TMED10: variants seen among roughly 807,000 people sequenced by gnomAD.
TMED10 encodes the protein transmembrane emp24 domain-containing protein 10.
A neutral mutation model predicts 23.1 loss-of-function variants in TMED10; 7 were observed. The ratio of observed to expected loss-of-function variants is 0.30; its 90% CI spans 0.17 to 0.57. TMED10 has a LOEUF of 0.57. TMED10 is among the 20% of genes least tolerant of loss of function. The pLI is 0.91. For synonymous variants in TMED10, 113 were observed against 106.9 expected, an observed-to-expected ratio of 1.06 and a Z score of -0.35; for missense variants, 162 against 274.8, an observed-to-expected ratio of 0.59 and a Z score of 2.90.
In TMED10 at chr14:75,133,051, T is replaced by C. The variant is rs1440549464; in HGVS notation, c.*1834A>G. 1 of 152,226 alleles carries C rather than the reference T, an allele frequency of 6.6e-6. No homozygotes were observed. Among genetic ancestry groups the C allele is most frequent in the Non-Finnish European group, 1.5e-5 (1 of 68,032 alleles). 9.4% of individuals were successfully genotyped at this position (152,226 alleles called of 1,614,324 possible). ...ACAGTGATTATTGGCTTTGCTTTCA[T>C]AACATGTATTTTTAAGTATTTACTC... On this transcript the variant is annotated 3_prime_UTR_variant, in exon 5 of 5. Coordinates refer to ENST00000303575, the MANE Select transcript of TMED10 (RefSeq NM_006827.6).
Position 75,132,842 on chromosome 14 carries a change from C to G in TMED10, c.*2043G>C, listed in dbSNP as rs530661252. On this transcript the variant is annotated 3_prime_UTR_variant, in exon 5 of 5. Transcript: ENST00000303575. ...TCTTGCCACTGTGATTAAACAAGCC[C>G]TGTAATAGTCAGCAGGGTTAAAAAG... 2.2e-4 allele frequency: 33 copies of G among 152,490 alleles called. No individual in the cohort carries two copies. The highest frequency in any genetic ancestry group is 3.7e-4 in the Non-Finnish European group (25 of 68,032). The allele number at this position is 152,490 out of a possible 1,614,324, so 9.4% of individuals were successfully genotyped here.
intron 3 of TMED10, among the ~76,000 whole-genome samples, chr14:75,138,810 T>TGC (rs1895784137): frequency 7.9e-5 from 3 of 37,978 alleles, no homozygotes; most frequent in African/African-American, 2.4e-4. Flanking sequence ...CAGCCTTTGC[T>TGC]TCTTTTTTTT....
chr14:75,158,714 C>T (rs1386907506), intron 1 of TMED10, among the ~76,000 whole-genome samples: 3 of 151,594 alleles, frequency 2.0e-5, no homozygotes, highest in South Asian at 4.2e-4. Context: ...CACCTGAGGT[C>T]GGGAGTTCGA....
At chr14:75,167,789 G>A (rs565725222) in intron 1 of TMED10, among the ~76,000 whole-genome samples, 3 of 152,144 alleles carry the variant, frequency 2.0e-5, no homozygotes, top group South Asian at 2.1e-4. Context: ...AGGTTGCAGC[G>A]AGCTATGATC....
intron 1 of TMED10, among the ~76,000 whole-genome samples, chr14:75,170,150 C>A (rs977923757): frequency 6.6e-6 from 1 of 152,050 alleles, no homozygotes. Context: ...TGGTGTGAAC[C>A]CCGGGGAGCA....
At chr14:75,161,046 G>GA (rs1443148579) in intron 1 of TMED10, among the ~76,000 whole-genome samples, 1 of 151,614 alleles carries the variant, frequency 6.6e-6, no homozygotes, top group Non-Finnish European at 1.5e-5. Flanking sequence ...TCCATCTCAA[G>GA]AAAAAAAGAG....
At chr14:75,168,138 T>A (rs1896187563) in intron 1 of TMED10, among the ~76,000 whole-genome samples, 1 of 152,180 alleles carries the variant, frequency 6.6e-6, no homozygotes, top group Admixed American at 6.5e-5. Flanking sequence ...TATCTCTCTC[T>A]GCTTCAGAAA....
At chr14:75,151,144 G>A (rs909740068) in intron 2 of TMED10, among the ~76,000 whole-genome samples, 1 of 152,016 alleles carries the variant, frequency 6.6e-6, no homozygotes, top group Non-Finnish European at 1.5e-5. Flanking sequence ...GGCCTCAGGT[G>A]ATCCGCCCGC....
chr14:75,135,967 T>C (rs1447544470), intron 3 of TMED10, 81 bp from the exon 4 acceptor site: 3 of 1,557,698 alleles, frequency 1.9e-6, no homozygotes, highest in Non-Finnish European at 2.6e-6. Context: ...GAGAAGTCTT[T>C]TTTAAAGTTT....
At chr14:75,166,096 GT>G (rs750752632) in intron 1 of TMED10, among the ~76,000 whole-genome samples, 2 of 151,954 alleles carry the variant, frequency 1.3e-5, no homozygotes, top group South Asian at 2.1e-4. Context: ...CAGATCAAAT[GT>G]TTTTTTTCAT....
At chr14:75,172,140 T>A (rs1896241624) in intron 1 of TMED10, among the ~76,000 whole-genome samples, 2 of 152,104 alleles carry the variant, frequency 1.3e-5, no homozygotes. Flanking sequence ...TACATTCTTT[T>A]AAGAGCAATT....
chr14:75,165,354 A>G (rs1224643674), intron 1 of TMED10, among the ~76,000 whole-genome samples: 1 of 152,078 alleles, frequency 6.6e-6, no homozygotes, highest in Non-Finnish European at 1.5e-5. Context: ...CAGCCTCCCG[A>G]GTAGCTGGGA....
intron 3 of TMED10, among the ~76,000 whole-genome samples, chr14:75,137,622 T>C (rs175441): frequency 0.98 from 145,629 of 148,510 alleles, 71,459 homozygotes; most frequent in East Asian, 1. Context: ...TTGCAGTGAG[T>C]TGAGATTGTG....
intron 3 of TMED10, among the ~76,000 whole-genome samples, chr14:75,138,306 G>A (rs147833488): frequency 2.6e-5 from 4 of 152,310 alleles, no homozygotes; most frequent in Admixed American, 1.3e-4. Flanking sequence ...ATAGACTTGC[G>A]ATGATACACC....
chr14:75,164,563 ATATATATATATATATTTTT>A (rs1390267780), intron 1 of TMED10, among the ~76,000 whole-genome samples: 251 of 4,234 alleles, frequency 0.059, 6 homozygotes, highest in East Asian at 0.16. Flanking sequence ...ATATATATAT[ATATATATATATATATTTTT>A]TTTTTTTTTT....
chr14:75,140,465 T>C (rs1895808813), intron 3 of TMED10, among the ~76,000 whole-genome samples: 1 of 151,800 alleles, frequency 6.6e-6, no homozygotes, highest in African/African-American at 2.4e-5. Context: ...CTCAGCACTT[T>C]GGGAGGCTGA....
At chr14:75,147,788 A>C in intron 2 of TMED10, 51 bp from the exon 3 acceptor site, 1 of 1,568,684 alleles carries the variant, frequency 6.4e-7, no homozygotes, top group Non-Finnish European at 8.6e-7. Context: ...AAATTCTGGG[A>C]AATTACCCAC....
At chr14:75,176,189 A>G in intron 1 of TMED10, 166 bp downstream of exon 1, 1 of 808,190 alleles carries the variant, frequency 1.2e-6, no homozygotes, top group Non-Finnish European at 1.9e-6. Flanking sequence ...GCCCCGCGAC[A>G]GGCAACCAGC....
chr14:75,147,185 G>GTTTTTTTTTTTTTTTTTTTTTT (rs71119349), intron 3 of TMED10, among the ~76,000 whole-genome samples: 12 of 116,614 alleles, frequency 1.0e-4, no homozygotes, highest in African/African-American at 4.2e-4. Context: ...CTTCAAGGCT[G>GTTTTTTTTTTTTTTTTTTTTTT]TTTTTTTTTT....
Sources: allele counts gnomAD v4.1 joint callset (sites outside exome capture counted in the v4.1 genomes callset), GRCh38; gene constraint gnomAD v4.1.1; transcripts MANE v1.5; gene names NCBI Gene and HGNC (gene_info 2026-07-23, HGNC 2026-07-21).